Variants in CACNA2D4 observed in about 807,000 individuals in gnomAD.
CACNA2D4 encodes calcium voltage-gated channel auxiliary subunit alpha2delta 4.
CACNA2D4 carries 157 observed loss-of-function variants against 163.8 expected under a neutral mutation model. That is an observed-to-expected ratio of 0.96 (90% CI 0.84 to 1.09). The LOEUF is 1.09. Ranked by LOEUF, CACNA2D4 falls within the 50% of genes least tolerant of loss-of-function variation. The pLI is 0.00. For synonymous variants in CACNA2D4, 598 were observed against 586.9 expected (o/e 1.02, Z -0.27); for missense variants, 1,410 against 1,479.9 (o/e 0.95, Z 0.78).
intron 1 of CACNA2D4, among the ~76,000 whole-genome samples, chr12:1,916,463 G>A (rs912872726): frequency 3.9e-5 from 6 of 152,204 alleles, no homozygotes; most frequent in African/African-American, 1.4e-4. Flanking sequence ...TGATGCAAAG[G>A]TAGGGATTGA....
intron 26 of CACNA2D4, among the ~76,000 whole-genome samples, chr12:1,838,586 C>A (rs1315131179): frequency 6.6e-6 from 1 of 152,186 alleles, no homozygotes. Flanking sequence ...ATTCATGCAC[C>A]CCAGAGTGTA....
At chr12:1,832,143 G>A (rs1272636684) in intron 26 of CACNA2D4, among the ~76,000 whole-genome samples, 2 of 152,182 alleles carry the variant, frequency 1.3e-5, no homozygotes, top group Non-Finnish European at 2.9e-5. Flanking sequence ...GTGCTGTAAT[G>A]ACCTATGACA....
intron 13 of CACNA2D4, among the ~76,000 whole-genome samples, chr12:1,881,507 C>T (rs148987059): frequency 1.3e-5 from 2 of 152,374 alleles, no homozygotes; most frequent in East Asian, 1.9e-4. Context: ...GGGAGGCCCA[C>T]ACGGAGCACC....
rs1229900676 is a variant in CACNA2D4 at position 1,833,052 on chromosome 12, T to C, written c.2551+7687A>G. Among the ~76,000 whole-genome samples the C allele has an allele frequency of 6.6e-6, 1 of 152,138 alleles. No individual in the cohort carries two copies. Among genetic ancestry groups the C allele is most frequent in the Non-Finnish European group, 1.5e-5 (1 of 68,014 alleles). ...GGCCGGGTGTCTTCAGACCCTCCTCTCCTGTGGTCGCCGGGAACTGAATTC... is the reference window on the plus strand; with the variant it reads ...GGCCGGGTGTCTTCAGACCCTCCTCCCCTGTGGTCGCCGGGAACTGAATTC... On this transcript the variant is annotated intron_variant, in intron 26 of 37. Coordinates refer to ENST00000382722, the MANE Select transcript of CACNA2D4 (RefSeq NM_172364.5). The surrounding 1 kb of genome is among the most constrained non-coding windows in gnomAD (Gnocchi z 4.2).
intron 23 of CACNA2D4, 103 bp downstream of exon 23, chr12:1,853,848 G>T (rs1255732910): frequency 2.4e-6 from 2 of 850,616 alleles, no homozygotes; most frequent in Admixed American, 4.2e-5. Flanking sequence ...AAGGACGTGG[G>T]TTCTCTCCTG....
Position 1,839,948 on chromosome 12 carries a change from C to T in CACNA2D4, c.2551+791G>A, listed in dbSNP as rs373108961. 9.9e-5 allele frequency among the ~76,000 whole-genome samples: 15 copies of T among 152,258 alleles called. 1 individual carries two copies. The highest frequency in any genetic ancestry group is 7.8e-4 in the Admixed American group (12 of 15,302). ...GAGCCAAACGTTCTGAGCCTATGGT[C>T]CTCATTTATAAAATAGGCACTGACA... On this transcript the variant is annotated intron_variant, in intron 26 of 37. Coordinates refer to ENST00000382722, the MANE Select transcript of CACNA2D4 (RefSeq NM_172364.5).
rs1592694793 is a variant in CACNA2D4 at position 1,833,226 on chromosome 12, G to A, written c.2551+7513C>T. On this transcript the variant is annotated intron_variant, in intron 26 of 37. Coordinates refer to ENST00000382722, the MANE Select transcript of CACNA2D4 (RefSeq NM_172364.5). This position sits in a 1 kb window ranked among gnomAD's most constrained non-coding sequence, Gnocchi z 4.2. Reference sequence around the variant, plus strand: ...AAGATTGATGCCTATTGTATGAGGAGACTTGCGGCAGATGGGCTGCAGAGG... The same window carrying A: ...AAGATTGATGCCTATTGTATGAGGAAACTTGCGGCAGATGGGCTGCAGAGG... 6.6e-6 allele frequency among the ~76,000 whole-genome samples: 1 copy of A among 152,320 alleles called. No homozygotes were observed. Among genetic ancestry groups the A allele is most frequent in the East Asian group, 1.9e-4 (1 of 5,192 alleles).
chr12:1,855,878 G>A (rs1865387440), intron 22 of CACNA2D4, 134 bp downstream of exon 22: 8 of 667,768 alleles, frequency 1.2e-5, no homozygotes, highest in Middle Eastern at 4.1e-4. Context: ...CTCCCTGTTT[G>A]ATCTAAGCCA....
Position 1,840,721 on chromosome 12 carries a change from C to A in CACNA2D4, c.2551+18G>T. 1 of 1,610,352 alleles carries A rather than the reference C, an allele frequency of 6.2e-7. No individual in the cohort carries two copies. Among genetic ancestry groups the A allele is most frequent in the Non-Finnish European group, 8.5e-7 (1 of 1,176,822 alleles). ...GTCCCCAGCTTCCTGGCCTCAACACCACAAGGGCCGTTCCTACCTGCAGCA... is the reference window on the plus strand; with the variant it reads ...GTCCCCAGCTTCCTGGCCTCAACACAACAAGGGCCGTTCCTACCTGCAGCA... On this transcript the variant is annotated intron_variant, in intron 26 of 37. Transcript: ENST00000382722.
At chr12:1,805,381 C>G (rs1863500015) in intron 29 of CACNA2D4, among the ~76,000 whole-genome samples, 1 of 152,206 alleles carries the variant, frequency 6.6e-6, no homozygotes, top group African/African-American at 2.4e-5. Flanking sequence ...GCTCTTGACT[C>G]TGATGACAGA....
rs1329421333 is a variant in CACNA2D4 at position 1,833,166 on chromosome 12, A to C, written c.2551+7573T>G. On this transcript the variant is annotated intron_variant, in intron 26 of 37. Coordinates refer to ENST00000382722, the MANE Select transcript of CACNA2D4 (RefSeq NM_172364.5). This position sits in a 1 kb window ranked among gnomAD's most constrained non-coding sequence, Gnocchi z 4.2. Reference sequence around the variant, plus strand: ...TTTCAACATTGCATTTCTTAAAAACAAAATCCTGGAATATTTCCATCGGCA... The same window carrying C: ...TTTCAACATTGCATTTCTTAAAAACCAAATCCTGGAATATTTCCATCGGCA... Among the ~76,000 whole-genome samples the C allele has an allele frequency of 6.6e-6, 1 of 152,244 alleles. No individual in the cohort carries two copies. The highest frequency in any genetic ancestry group is 1.5e-5 in the Non-Finnish European group (1 of 68,042).
intron 26 of CACNA2D4, among the ~76,000 whole-genome samples, chr12:1,822,901 C>T (rs141677414): frequency 0.034 from 5,148 of 152,260 alleles, 165 homozygotes; most frequent in Admixed American, 0.11. Flanking sequence ...CTCTGGCTGG[C>T]CACTCTCCGG....
Position 1,833,609 on chromosome 12 carries a change from G to T in CACNA2D4, c.2551+7130C>A, listed in dbSNP as rs1230700511. ...CTTACAGGGCTGTGGTTGGGGCACC[G>T]ATGGGGCCATTGGATTGCTCCTAAG... is the stretch of plus-strand genomic sequence containing the variant. On this transcript the variant is annotated intron_variant, in intron 26 of 37. Transcript: ENST00000382722. The surrounding 1 kb of genome is among the most constrained non-coding windows in gnomAD (Gnocchi z 4.2). 3.3e-5 allele frequency among the ~76,000 whole-genome samples: 5 copies of T among 152,194 alleles called. No individual in the cohort carries two copies. The highest frequency in any genetic ancestry group is 4.8e-5 in the African/African-American group (2 of 41,430).
intron 11 of CACNA2D4, 129 bp downstream of exon 11, chr12:1,884,639 G>A (rs1163762150): frequency 3.0e-6 from 2 of 674,824 alleles, no homozygotes; most frequent in Admixed American, 2.7e-5. Context: ...AAATGCATCT[G>A]AAAGCAAGAA....
At chr12:1,907,809 C>T (rs61907994) in intron 5 of CACNA2D4, 66 bp downstream of exon 5, 1 of 1,544,528 alleles carries the variant, frequency 6.5e-7, no homozygotes, top group South Asian at 1.1e-5. Flanking sequence ...GCCTGGTGGG[C>T]GTGTCTGGTG....
chr12:1,858,672 T>C, intron 19 of CACNA2D4, 28 bp from the exon 20 acceptor site: 4 of 1,558,366 alleles, frequency 2.6e-6, no homozygotes, highest in Non-Finnish European at 3.5e-6. Context: ...AAGGCACTCA[T>C]TCAGCAGCAG....
intron 22 of CACNA2D4, 87 bp from the exon 23 acceptor site, chr12:1,854,131 T>G (rs1865349540): frequency 5.1e-6 from 5 of 976,212 alleles, no homozygotes; most frequent in Non-Finnish European, 7.5e-6. Context: ...AGGGAGAAGA[T>G]GTGCTTCCTG....
At chr12:1,819,121 T>G (rs573950845) in intron 26 of CACNA2D4, among the ~76,000 whole-genome samples, 2 of 151,958 alleles carry the variant, frequency 1.3e-5, no homozygotes, top group Non-Finnish European at 2.9e-5. Context: ...CCTGTGGTGT[T>G]CCGGGGAAAC....
intron 26 of CACNA2D4, among the ~76,000 whole-genome samples, chr12:1,815,723 G>C (rs966940492): frequency 6.6e-5 from 10 of 152,054 alleles, no homozygotes; most frequent in Non-Finnish European, 1.5e-4. Context: ...TTCCCTCCCA[G>C]CTTCAGGGGC....
Sources: gnomAD v4.1 joint callset for allele counts (sites outside exome capture counted in the v4.1 genomes callset) on GRCh38, gnomAD v4.1.1 for gene constraint, Gnocchi (gnomAD v3.1) non-coding constraint, MANE v1.5 for transcripts, NCBI Gene and HGNC (gene_info 2026-07-23, HGNC 2026-07-21) for gene names.